The following POLN variants were observed in gnomAD, a reference collection of about 807,000 sequenced individuals.
POLN encodes the protein DNA polymerase N.
Under a neutral mutation model 113.5 loss-of-function variants are expected in POLN, and 108 were observed. The observed-to-expected ratio is 0.95, with a 90% CI of 0.81 to 1.12. POLN has a LOEUF of 1.12. POLN is among the 50% of genes most tolerant of loss of function. POLN has a pLI of 0.00. For missense variants in POLN, 1,097 were observed against 1,077.1 expected, an observed-to-expected ratio of 1.02 and a Z score of -0.26; for synonymous variants, 386 against 391.5, an observed-to-expected ratio of 0.99 and a Z score of 0.17.
chr4:2,162,057 G>C (rs924782934), intron 13 of POLN, among the ~76,000 whole-genome samples: 1 of 152,168 alleles, frequency 6.6e-6, no homozygotes, highest in Non-Finnish European at 1.5e-5. Flanking sequence ...GATGTGGATA[G>C]GGCCAGATAA....
chr4:2,132,996 T>C (rs935971664), intron 16 of POLN, among the ~76,000 whole-genome samples: 3 of 152,078 alleles, frequency 2.0e-5, no homozygotes, highest in Admixed American at 6.6e-5. Context: ...TTTGAAGTGG[T>C]AGAATATGAA....
intron 13 of POLN, among the ~76,000 whole-genome samples, 183 bp from the exon 14 acceptor site, chr4:2,159,394 G>T (rs986101091): frequency 6.6e-6 from 1 of 152,150 alleles, no homozygotes; most frequent in African/African-American, 2.4e-5. Context: ...AAACCATTCT[G>T]ATGTCTACAT....
chr4:2,087,433 G>C (rs1226047075), intron 20 of POLN, among the ~76,000 whole-genome samples: 1 of 152,164 alleles, frequency 6.6e-6, no homozygotes, highest in African/African-American at 2.4e-5. Flanking sequence ...CACAAGGCTG[G>C]CCAGATGGGA....
intron 6 of POLN, 39 bp from the exon 7 acceptor site, chr4:2,193,355 T>C (rs1439298179): frequency 2.1e-6 from 3 of 1,451,732 alleles, no homozygotes; most frequent in Non-Finnish European, 2.8e-6. Context: ...TAAACATTAA[T>C]TTGGGATTTT....
intron 14 of POLN, among the ~76,000 whole-genome samples, chr4:2,158,172 G>A (rs1286271547): frequency 1.3e-5 from 2 of 151,998 alleles, no homozygotes; most frequent in Non-Finnish European, 2.9e-5. Flanking sequence ...GGCTGGTCTC[G>A]AACCTCTGAC....
At chr4:2,211,154 G>T (rs983964543) in intron 4 of POLN, among the ~76,000 whole-genome samples, 1 of 148,224 alleles carries the variant, frequency 6.7e-6, no homozygotes, top group East Asian at 2.0e-4. Context: ...AGAGGCTGAG[G>T]CAGGAGAATC....
chr4:2,241,961 A>T (rs934174884), intron 1 of POLN, 90 bp downstream of exon 1: 7 of 985,402 alleles, frequency 7.1e-6, no homozygotes, highest in Non-Finnish European at 8.4e-6. Flanking sequence ...AGCGCAGGAA[A>T]AAAAAGAGGC....
rs747711595 is a variant in POLN at position 2,240,147 on chromosome 4, A to G, written c.-13+1373T>C. On this transcript the variant is annotated intron_variant, in intron 2 of 25. Transcript: ENST00000511885. Reference sequence around the variant, plus strand: ...CTGATGTTGAGCACAAATGTATGCGAGCTGCAGTCTAGCCATCTCTAGTCG... The same window carrying G: ...CTGATGTTGAGCACAAATGTATGCGGGCTGCAGTCTAGCCATCTCTAGTCG... The G allele has an allele frequency of 3.7e-6, 6 of 1,613,922 alleles. No homozygotes were observed. The South Asian group carries it at 6.6e-5, about 18-fold the overall frequency.
In POLN at chr4:2,208,042, G is replaced by T. The variant is rs1239528550; in HGVS notation, c.659C>A (p.Ala220Asp). The stretch of plus-strand genomic sequence containing the variant: ...AGTATACATCACAGTTATCACCAGG[G>T]CTGCTGCCTGTTTGAGCATTTCAAT... The part of the protein sequence containing the change: ...QLIEMLKQAA[A>D]LVITVMYTDG... The change falls in exon 5 of 26, where the codon GCC becomes GAC. Residue 220 changes from alanine (A) to aspartate (D), a missense_variant. Ala to Asp is a moderately radical substitution (Grantham distance 126). Transcript: ENST00000511885. The T allele has an allele frequency of 6.2e-7, 1 of 1,614,028 alleles. No individual in the cohort carries two copies. Among genetic ancestry groups the T allele is most frequent in the Admixed American group, 1.7e-5 (1 of 59,998 alleles).
At chr4:2,115,431 T>C (rs1731294168) in intron 19 of POLN, among the ~76,000 whole-genome samples, 1 of 152,024 alleles carries the variant, frequency 6.6e-6, no homozygotes, top group Non-Finnish European at 1.5e-5. Flanking sequence ...TAGTTTTCAC[T>C]TCTCTATTGA....
chr4:2,118,292 T>C (rs534152123), intron 19 of POLN, among the ~76,000 whole-genome samples: 2 of 152,370 alleles, frequency 1.3e-5, no homozygotes, highest in African/African-American at 2.4e-5. Flanking sequence ...TGTGTTTTAA[T>C]TGGCCTTTGT....
chr4:2,079,650 T>A (rs1378921065), intron 23 of POLN: 7 of 965,550 alleles, frequency 7.2e-6, no homozygotes, highest in Non-Finnish European at 8.6e-6. Context: ...AGTGGTGCGA[T>A]CTTGGCACAC....
At chr4:2,232,102 A>T in intron 2 of POLN, 1 of 1,602,166 alleles carries the variant, frequency 6.2e-7, no homozygotes, top group Non-Finnish European at 8.5e-7. Context: ...AATATCAGTG[A>T]GGAGATGATT....
chr4:2,077,529 G>A (rs1730304948), intron 23 of POLN, among the ~76,000 whole-genome samples: 1 of 152,248 alleles, frequency 6.6e-6, no homozygotes, highest in Non-Finnish European at 1.5e-5. Context: ...AGTCAGAGGG[G>A]CGACAGAGCC....
At chr4:2,189,750 G>T (rs1228923275) in intron 7 of POLN, among the ~76,000 whole-genome samples, 1 of 151,538 alleles carries the variant, frequency 6.6e-6, no homozygotes, top group East Asian at 1.9e-4. Context: ...GGACAAAAAG[G>T]CCAGGCGCGG....
intron 5 of POLN, among the ~76,000 whole-genome samples, chr4:2,202,290 T>G (rs1733737008): frequency 6.6e-6 from 1 of 152,184 alleles, no homozygotes; most frequent in Non-Finnish European, 1.5e-5. Flanking sequence ...ATCTGCTGCC[T>G]TCAAGAGACT....
rs1385548759 is a variant in POLN at position 2,126,466 on chromosome 4, G to A, written c.1982+1647C>T. 1.3e-5 allele frequency among the ~76,000 whole-genome samples: 2 copies of A among 152,200 alleles called. No homozygotes were observed. Among genetic ancestry groups the A allele is most frequent in the African/African-American group, 2.4e-5 (1 of 41,442 alleles). ...ACCCTTTGTGGAGCACAGTAGGGAC[G>A]AGGGTGGATGAGGTCTCGGCCCCTG... is the stretch of plus-strand genomic sequence containing the variant. On this transcript the variant is annotated intron_variant, in intron 19 of 25. Coordinates refer to ENST00000511885, the MANE Select transcript of POLN (RefSeq NM_181808.4). This position sits in a 1 kb window ranked among gnomAD's most constrained non-coding sequence, Gnocchi z 4.6.
chr4:2,167,024 A>G (rs979061264), intron 13 of POLN, among the ~76,000 whole-genome samples: 2 of 152,206 alleles, frequency 1.3e-5, no homozygotes, highest in African/African-American at 2.4e-5. Context: ...TAGATATTCC[A>G]TGATGATAAA....
intron 19 of POLN, among the ~76,000 whole-genome samples, chr4:2,119,142 G>C (rs1731383338): frequency 6.6e-6 from 1 of 152,204 alleles, no homozygotes; most frequent in African/African-American, 2.4e-5. Flanking sequence ...TTGGCAAGTA[G>C]AGACAGTCTC....
Sources: gnomAD v4.1 joint callset for allele counts (sites outside exome capture counted in the v4.1 genomes callset) on GRCh38, gnomAD v4.1.1 for gene constraint, Gnocchi (gnomAD v3.1) non-coding constraint, MANE v1.5 for transcripts, NCBI Gene and HGNC (gene_info 2026-07-23, HGNC 2026-07-21) for gene names.